Variants in SLC7A11 observed in about 807,000 individuals in gnomAD.
SLC7A11 encodes solute carrier family 7 member 11, also known as cystine/glutamate transporter.
SLC7A11 carries 35 observed loss-of-function variants against 54.5 expected under a neutral mutation model. The ratio of observed to expected loss-of-function variants is 0.64; its 90% CI spans 0.49 to 0.85. The LOEUF is 0.85. Among genes scored for constraint, SLC7A11 ranks in the 40% least tolerant of loss-of-function variants. SLC7A11 has a pLI of 0.00. For missense variants in SLC7A11, 583 were observed against 618.1 expected, an observed-to-expected ratio of 0.94 and a Z score of 0.60; for synonymous variants, 230 against 225.2, an observed-to-expected ratio of 1.02 and a Z score of -0.19.
At chr4:138,227,273 G>C (rs1428499650) in intron 3 of SLC7A11, among the ~76,000 whole-genome samples, 1 of 152,178 alleles carries the variant, frequency 6.6e-6, no homozygotes, top group Non-Finnish European at 1.5e-5. Flanking sequence ...TACATGTTGA[G>C]ATAAAGTGGG....
chr4:138,234,323 T>C lies in SLC7A11; in HGVS notation c.405-1941A>G, dbSNP rs570822729. ...TATTTCTGGCAATACTAACTTAATCTAAAGGTATAATTTTAATGGGAAGTA... is the reference window on the plus strand; with the variant it reads ...TATTTCTGGCAATACTAACTTAATCCAAAGGTATAATTTTAATGGGAAGTA... On this transcript the variant is annotated intron_variant, in intron 2 of 11. Transcript: ENST00000280612. 4.6e-5 allele frequency among the ~76,000 whole-genome samples: 7 copies of C among 152,298 alleles called. No homozygotes were observed. The South Asian group carries it at 1.4e-3, about 32-fold the overall frequency.
At chr4:138,208,668 T>C (rs1288856867) in intron 6 of SLC7A11, among the ~76,000 whole-genome samples, 1 of 152,080 alleles carries the variant, frequency 6.6e-6, no homozygotes, top group Non-Finnish European at 1.5e-5. Context: ...AATTCAGTTA[T>C]TCCTTGGGAT....
At position 138,186,080 on chromosome 4, in the gene SLC7A11, A is replaced by T. The variant is rs1203386637; in HGVS notation, c.792-836T>A. 2.0e-5 allele frequency among the ~76,000 whole-genome samples: 3 copies of T among 152,108 alleles called. No homozygotes were observed. In the East Asian group the frequency reaches 5.8e-4, roughly 29 times the overall value. On this transcript the variant is annotated intron_variant, in intron 6 of 11. Coordinates refer to ENST00000280612, the MANE Select transcript of SLC7A11 (RefSeq NM_014331.4). ...AAGTACCCGACACAAATGCAATATT[A>T]TGTCTTCATTTAATGCACTGGGAAA...
intron 4 of SLC7A11, among the ~76,000 whole-genome samples, chr4:138,222,796 C>G (rs1002400794): frequency 2.6e-5 from 4 of 152,014 alleles, no homozygotes; most frequent in African/African-American, 9.7e-5. Context: ...AATTATTGAT[C>G]ATCTTTTATC....
intron 6 of SLC7A11, among the ~76,000 whole-genome samples, chr4:138,200,278 T>C (rs1737246225): frequency 1.3e-5 from 2 of 152,174 alleles, no homozygotes. Flanking sequence ...AGCTATTTCC[T>C]TATAATATTC....
At chr4:138,227,995 G>A (rs1041726905) in intron 3 of SLC7A11, among the ~76,000 whole-genome samples, 2 of 152,136 alleles carry the variant, frequency 1.3e-5, no homozygotes, top group Non-Finnish European at 2.9e-5. Flanking sequence ...TTCATATGCT[G>A]TATTTGAAGT....
At position 138,214,618 on chromosome 4, in the gene SLC7A11, T is replaced by C; in HGVS notation, c.758A>G (p.Asn253Ser). Residue 253 changes from asparagine to serine, a missense_variant, in exon 6 of 12, where the codon AAC becomes AGC. By Grantham distance (46) the Asn-to-Ser change is conservative (BLOSUM62 1). Transcript: ENST00000280612. Reference protein sequence around the residue: ...MYAYAGWFYLNFVTEEVENPE... With the variant: ...MYAYAGWFYLSFVTEEVENPE... ...GTTTTCTACTTCTTCAGTAACAAAG[T>C]TGAGGTAAAACCTAAAAATAGATAA... is the stretch of plus-strand genomic sequence containing the variant. The C allele has an allele frequency of 7.1e-7, 1 of 1,408,856 alleles. No individual in the cohort carries two copies. The highest frequency in any genetic ancestry group is 9.7e-7 in the Non-Finnish European group (1 of 1,034,292). The allele number at this position is 1,408,856 out of a possible 1,614,324, so 87.3% of individuals were successfully genotyped here.
At position 138,179,257 on chromosome 4, in the gene SLC7A11, A is replaced by G; in HGVS notation, c.1404T>C (p.Ile468=). ...ACCACCTGGGTTTCTTGTCCCATAT[A>G]ATAAAGAGATAATACGCAGGGACTC... The part of the protein sequence containing the change: ...LTGVPAYYLF[I]IWDKKPRWFR... Residue 468 remains isoleucine (I), a synonymous_variant, in exon 11 of 12, where the codon ATT becomes ATC. Coordinates refer to ENST00000280612, the MANE Select transcript of SLC7A11 (RefSeq NM_014331.4). 6.2e-7 allele frequency: 1 copy of G among 1,612,190 alleles called. No homozygotes were observed. The highest frequency in any genetic ancestry group is 8.5e-7 in the Non-Finnish European group (1 of 1,178,546).
At position 138,207,014 on chromosome 4, in the gene SLC7A11, C is replaced by CAAA. The variant is rs1389023695; in HGVS notation, c.791+7570_791+7571insTTT. On this transcript the variant is annotated intron_variant, in intron 6 of 11. Transcript: ENST00000280612. ...AGAAAAGCAAAAAAAAAAAAAAAAC[C>CAAA]CCCAGAGGGATTCTAATTTAGGTAT... 3.5e-5 allele frequency among the ~76,000 whole-genome samples: 2 copies of CAAA among 56,662 alleles called. 1 individual carries two copies. The highest frequency in any genetic ancestry group is 8.4e-5 in the Non-Finnish European group (2 of 23,810). The allele number at this position is 56,662 out of a possible 152,430, so 37.2% of individuals were successfully genotyped here. A position where few individuals can be genotyped will look rare whatever the true frequency, so the allele number is the denominator to read the frequency against.
chr4:138,166,993 CATTT>C lies in SLC7A11; in HGVS notation c.*4959_*4962del, dbSNP rs1736276639. 6.6e-6 allele frequency: 1 copy of C among 151,958 alleles called. No individual in the cohort carries two copies. Among genetic ancestry groups the C allele is most frequent in the Non-Finnish European group, 1.5e-5 (1 of 67,980 alleles). The allele number at this position is 151,958 out of a possible 1,614,324, so 9.4% of individuals were successfully genotyped here. ...ATACCTGATCTAAAATTAGACAAAA[CATTT>C]ATTTTTAGACACCAACTAATTGGAA... On this transcript the variant is annotated 3_prime_UTR_variant, in exon 12 of 12. Transcript: ENST00000280612.
chr4:138,183,059 A>G, intron 8 of SLC7A11, 143 bp downstream of exon 8: 2 of 631,564 alleles, frequency 3.2e-6, no homozygotes, highest in South Asian at 4.1e-5. Context: ...TGCTGTTGAT[A>G]CTTGGACCAA....
chr4:138,189,282 T>C (rs565792920), intron 6 of SLC7A11, among the ~76,000 whole-genome samples: 3 of 152,254 alleles, frequency 2.0e-5, no homozygotes, highest in African/African-American at 4.8e-5. Context: ...TATATGCATG[T>C]CATTTTAAAT....
Position 138,182,331 on chromosome 4 carries a change from C to T in SLC7A11, c.1082G>A (p.Arg361His), listed in dbSNP as rs756079856. The T allele has an allele frequency of 1.8e-5, 29 of 1,611,050 alleles. No homozygotes were observed. The highest frequency in any genetic ancestry group is 1.0e-4 in the Admixed American group (6 of 59,836). ...AACAGCTGGTAGAGGAGTGTGCTTG[C>T]GGACATGAATCATGGAGAGGATTTC... ...LPEILSMIHV[R>H]KHTPLPAVIV... Residue 361 changes from arginine (R) to histidine (H), a missense_variant, in exon 9 of 12, where the codon CGC becomes CAC. Physicochemically the swap from Arg to His is conservative, Grantham distance 29. Transcript: ENST00000280612.
Position 138,165,088 on chromosome 4 carries a change from TAAC to T in SLC7A11, c.*6865_*6867del, listed in dbSNP as rs939463336. The T allele has an allele frequency of 1.3e-5, 2 of 152,474 alleles. No individual in the cohort carries two copies. Among genetic ancestry groups the T allele is most frequent in the African/African-American group, 4.8e-5 (2 of 41,420 alleles). 9.4% of individuals were successfully genotyped at this position (152,474 alleles called of 1,614,324 possible). A position where few individuals can be genotyped will look rare whatever the true frequency, so the allele number is the denominator to read the frequency against. ...ACCTAATAATATGTTAACATAAACA[TAAC>T]AACACACATATTATTTTTCTACCCC... On this transcript the variant is annotated 3_prime_UTR_variant, in exon 12 of 12. Transcript: ENST00000280612.
chr4:138,220,429 C>CTG (rs1209198083), intron 4 of SLC7A11, among the ~76,000 whole-genome samples: 1 of 151,430 alleles, frequency 6.6e-6, no homozygotes, highest in Non-Finnish European at 1.5e-5. Context: ...TCCACTCACT[C>CTG]TGTGACCCTG....
intron 5 of SLC7A11, among the ~76,000 whole-genome samples, chr4:138,217,477 C>T (rs567293756): frequency 6.6e-6 from 1 of 152,204 alleles, no homozygotes; most frequent in African/African-American, 2.4e-5. Flanking sequence ...AATTCATCAG[C>T]CCTCAAAAGC....
At chr4:138,217,143 AT>A (rs70940421) in intron 5 of SLC7A11, among the ~76,000 whole-genome samples, 62,172 of 152,018 alleles carry the variant, frequency 0.41, 13,553 homozygotes, top group Middle Eastern at 0.61. Flanking sequence ...ACAAAGCAGC[AT>A]TCAGGTAGCA....
At position 138,182,411 on chromosome 4, in the gene SLC7A11, T is replaced by G. The variant is rs1736766472; in HGVS notation, c.1020-18A>C. On this transcript the variant is annotated intron_variant, in intron 8 of 11. Coordinates refer to ENST00000280612, the MANE Select transcript of SLC7A11 (RefSeq NM_014331.4). The stretch of plus-strand genomic sequence containing the variant: ...AGAATAACCTGATGGGAGAGAAATG[T>G]GGGTGGAGTTGACTGTATGATTGAT... 1 of 1,439,558 alleles carries G rather than the reference T, an allele frequency of 6.9e-7. No homozygotes were observed. Among genetic ancestry groups the G allele is most frequent in the African/African-American group, 1.4e-5 (1 of 71,402 alleles). The allele number at this position is 1,439,558 out of a possible 1,614,324, so 89.2% of individuals were successfully genotyped here.
intron 6 of SLC7A11, among the ~76,000 whole-genome samples, chr4:138,201,935 T>A (rs1400456592): frequency 6.6e-6 from 1 of 152,162 alleles, no homozygotes; most frequent in Non-Finnish European, 1.5e-5. Flanking sequence ...TCTTTCTTTA[T>A]GTATGCAGCA....
Sources: allele counts gnomAD v4.1 joint callset (sites outside exome capture counted in the v4.1 genomes callset), GRCh38; gene constraint gnomAD v4.1.1; transcripts MANE v1.5; gene names NCBI Gene and HGNC (gene_info 2026-07-23, HGNC 2026-07-21).